The following DAB1 variants were observed in gnomAD, a reference collection of about 807,000 sequenced individuals.
DAB1 encodes DAB adaptor protein 1.
A neutral mutation model predicts 64.6 loss-of-function variants in DAB1; 15 were observed. The ratio of observed to expected loss-of-function variants is 0.23; its 90% CI spans 0.16 to 0.36. DAB1 has a LOEUF of 0.36. DAB1 is among the 10% of genes least tolerant of loss of function. The pLI is 1.00. For missense variants in DAB1, 596 were observed against 706.7 expected, an observed-to-expected ratio of 0.84 and a Z score of 1.78; for synonymous variants, 235 against 251.9, an observed-to-expected ratio of 0.93 and a Z score of 0.64.
chr1:58,463,354 A>G (rs535057118), intron 3 of DAB1, among the ~76,000 whole-genome samples: 1 of 152,286 alleles, frequency 6.6e-6, no homozygotes, highest in East Asian at 1.9e-4. Context: ...GGGCCAGACA[A>G]CTTGACAAGG....
At chr1:57,470,569 G>A (rs2101204981) in intron 7 of DAB1, among the ~76,000 whole-genome samples, 1 of 152,194 alleles carries the variant, frequency 6.6e-6, no homozygotes, top group Middle Eastern at 3.4e-3. Context: ...ATCATGAAGG[G>A]GATAGCCCCC....
At chr1:57,636,040 T>C (rs1386208459) in intron 7 of DAB1, among the ~76,000 whole-genome samples, 1 of 136,832 alleles carries the variant, frequency 7.3e-6, no homozygotes, top group Non-Finnish European at 1.5e-5. Context: ...GAGATTGCAG[T>C]GAGCCAAGAT....
At chr1:57,463,109 C>A (rs1455955382) in intron 7 of DAB1, among the ~76,000 whole-genome samples, 1 of 152,062 alleles carries the variant, frequency 6.6e-6, no homozygotes, top group Non-Finnish European at 1.5e-5. Context: ...AGCATCTATT[C>A]CCTCTTGTCA....
intron 4 of DAB1, among the ~76,000 whole-genome samples, chr1:58,169,091 T>C (rs1194596230): frequency 3.3e-5 from 5 of 152,220 alleles, no homozygotes; most frequent in African/African-American, 1.2e-4. Context: ...ATCAGCAGGG[T>C]CCAGCAACTG....
At chr1:58,500,436 A>G (rs1333303983) in intron 3 of DAB1, among the ~76,000 whole-genome samples, 5 of 152,198 alleles carry the variant, frequency 3.3e-5, no homozygotes, top group African/African-American at 4.8e-5. Flanking sequence ...TGATTTATTC[A>G]TTTACTTTGT....
At chr1:57,642,978 G>A (rs750795779) in intron 7 of DAB1, among the ~76,000 whole-genome samples, 1 of 152,204 alleles carries the variant, frequency 6.6e-6, no homozygotes, top group Non-Finnish European at 1.5e-5. Flanking sequence ...TTTGATGCTT[G>A]TAAGATAGGC....
intron 5 of DAB1, among the ~76,000 whole-genome samples, chr1:57,928,986 G>A (rs1336448526): frequency 2.0e-5 from 3 of 152,190 alleles, no homozygotes; most frequent in Admixed American, 6.5e-5. Context: ...AATGCTAAGA[G>A]CATGTTTAGT....
At chr1:57,913,071 T>C (rs1644671911) in intron 5 of DAB1, among the ~76,000 whole-genome samples, 2 of 152,214 alleles carry the variant, frequency 1.3e-5, no homozygotes, top group African/African-American at 4.8e-5. Flanking sequence ...AATGACTTTC[T>C]TCACAGAATT....
rs905798653 is a variant in DAB1, at chr1:58,082,807, TG to T, written n.387+67703del. ...GAGGGGACAGGACACAGCAGACAGGTGGGGGGGAGGGGTGGCCACCAGGAGT... is the reference window on the plus strand; with the variant it reads ...GAGGGGACAGGACACAGCAGACAGGTGGGGGGAGGGGTGGCCACCAGGAGT... On this transcript the variant is annotated intron_variant and non_coding_transcript_variant, in intron 5 of 20. Coordinates refer to the DAB1 transcript ENST00000485760. 4.0e-5 allele frequency among the ~76,000 whole-genome samples: 6 copies of T among 150,318 alleles called. No homozygotes were observed. The East Asian group carries it at 9.9e-4, about 25-fold the overall frequency.
At chr1:57,672,930 T>TG (rs1646525001) in intron 6 of DAB1, among the ~76,000 whole-genome samples, 1 of 152,210 alleles carries the variant, frequency 6.6e-6, no homozygotes, top group Non-Finnish European at 1.5e-5. Context: ...GCTTTGGGGT[T>TG]GAACCTAAGA....
intron 3 of DAB1, among the ~76,000 whole-genome samples, chr1:58,380,121 T>C (rs561517409): frequency 6.6e-6 from 1 of 152,326 alleles, no homozygotes; most frequent in South Asian, 2.1e-4. Context: ...CAGAGATACC[T>C]CATGGGCTCC....
chr1:58,057,928 C>T (rs186353767), intron 5 of DAB1, among the ~76,000 whole-genome samples: 177 of 152,056 alleles, frequency 1.2e-3, no homozygotes, highest in Non-Finnish European at 1.8e-3. Flanking sequence ...CATTGTGCTA[C>T]CTTATCTTGA....
At chr1:57,762,422 G>A (rs1649129488) in intron 6 of DAB1, among the ~76,000 whole-genome samples, 1 of 152,064 alleles carries the variant, frequency 6.6e-6, no homozygotes, top group Non-Finnish European at 1.5e-5. Flanking sequence ...AGATTACATG[G>A]GGCGGAAAAA....
chr1:58,540,442 A>G (rs925431498), intron 1 of DAB1, among the ~76,000 whole-genome samples: 9 of 152,214 alleles, frequency 5.9e-5, no homozygotes, highest in African/African-American at 2.2e-4. Flanking sequence ...AAATAAACAA[A>G]TAACAGCATT....
chr1:58,151,074 T>G (rs1654905857), intron 4 of DAB1, among the ~76,000 whole-genome samples: 1 of 152,248 alleles, frequency 6.6e-6, no homozygotes, highest in Non-Finnish European at 1.5e-5. Flanking sequence ...TACCACATTT[T>G]CTTAATCCGG....
intron 7 of DAB1, among the ~76,000 whole-genome samples, chr1:57,495,642 A>G (rs1266503787): frequency 6.6e-6 from 1 of 152,188 alleles, no homozygotes; most frequent in Non-Finnish European, 1.5e-5. Flanking sequence ...CCCAGATATT[A>G]AAACATGGAA....
At position 58,071,363 on chromosome 1, in the gene DAB1, GGTGTGTGT is replaced by G. The variant is rs548977353; in HGVS notation, n.387+79140_387+79147del. Among the ~76,000 whole-genome samples the G allele has an allele frequency of 4.2e-3, 569 of 135,786 alleles. 5 individuals carry two copies. Among genetic ancestry groups the G allele is most frequent in the African/African-American group, 0.014 (496 of 35,652 alleles). The allele number at this position is 135,786 out of a possible 152,430, so 89.1% of individuals were successfully genotyped here. On this transcript the variant is annotated intron_variant and non_coding_transcript_variant, in intron 5 of 20. Transcript: ENST00000485760. ...AACTCTACCTCCATCAAAGGAGAAT[GGTGTGTGT>G]GTGTGTGTGTGTGTGTGTGTGTGTG...
At chr1:57,760,006 A>G (rs1316651097) in intron 6 of DAB1, among the ~76,000 whole-genome samples, 1 of 152,172 alleles carries the variant, frequency 6.6e-6, no homozygotes, top group African/African-American at 2.4e-5. Context: ...ACATGAATAG[A>G]AATGTCTGTA....
At chr1:58,533,964 G>A in intron 1 of DAB1, 1 of 872,282 alleles carries the variant, frequency 1.1e-6, no homozygotes, top group Non-Finnish European at 2.0e-6. Flanking sequence ...GCATGCCCAA[G>A]TACTGCATGT....
Sources: allele counts gnomAD v4.1 joint callset (sites outside exome capture counted in the v4.1 genomes callset), GRCh38; gene constraint gnomAD v4.1.1; transcripts MANE v1.5; gene names NCBI Gene and HGNC (gene_info 2026-07-23, HGNC 2026-07-21).